DNAH14: variants seen among roughly 807,000 people sequenced by gnomAD.
DNAH14 encodes axonemal beta dynein heavy chain 14.
A neutral mutation model predicts 520.9 loss-of-function variants in DNAH14; 478 were observed. The ratio of observed to expected loss-of-function variants is 0.92; its 90% CI spans 0.85 to 0.99. DNAH14 has a LOEUF of 0.99. Ranked by LOEUF, DNAH14 falls within the 50% of genes least tolerant of loss-of-function variation. The probability of loss-of-function intolerance (pLI) is 0.00; values close to 1 mark genes in which losing one functional copy is unlikely to be tolerated. For missense variants in DNAH14, 4,831 were observed against 5,234.5 expected (o/e 0.92, Z 2.38); for synonymous variants, 1,581 against 1,757.2 (o/e 0.90, Z 2.51).
intron 41 of DNAH14, among the ~76,000 whole-genome samples, chr1:225,208,221 T>C (rs4328046): frequency 6.6e-6 from 1 of 151,940 alleles, no homozygotes; most frequent in African/African-American, 2.4e-5. Flanking sequence ...CCTCCCCAGA[T>C]TCACACTTCT....
At chr1:224,988,517 G>A (rs2125739925) in intron 8 of DNAH14, among the ~76,000 whole-genome samples, 1 of 152,316 alleles carries the variant, frequency 6.6e-6, no homozygotes, top group East Asian at 1.9e-4. Flanking sequence ...TATACTGTTG[G>A]TGGGAATGTG....
chr1:225,016,195 A>G (rs75175982), intron 10 of DNAH14, among the ~76,000 whole-genome samples: 8,392 of 152,234 alleles, frequency 0.055, 472 homozygotes, highest in East Asian at 0.24. Context: ...CTTGGTGTCC[A>G]TGTTCAATTG....
chr1:225,333,981 T>A (rs2094856598), intron 66 of DNAH14, among the ~76,000 whole-genome samples: 1 of 152,228 alleles, frequency 6.6e-6, no homozygotes, highest in African/African-American at 2.4e-5. Flanking sequence ...AGAATAATTT[T>A]AGATTGGATC....
In DNAH14 at chr1:225,252,676, A is replaced by G. The variant is rs554454866; in HGVS notation, c.6865+259A>G. On this transcript the variant is annotated intron_variant, in intron 44 of 85. Coordinates refer to ENST00000682510, the MANE Select transcript of DNAH14 (RefSeq NM_001367479.1). ...CACATTGTAAAACTGTAGCACATTG[A>G]AAGTCTTCCTAAGAGCACTATTTAT... Among the ~76,000 whole-genome samples the G allele has an allele frequency of 7.9e-5, 12 of 152,288 alleles. No homozygotes were observed. In the South Asian group the frequency reaches 2.5e-3, roughly 32 times the overall value.
At position 225,398,545 on chromosome 1, in the gene DNAH14, T is replaced by A; in HGVS notation, c.13517T>A (p.Val4506Asp). The A allele has an allele frequency of 6.4e-7, 1 of 1,551,608 alleles. No individual in the cohort carries two copies. The highest frequency in any genetic ancestry group is 2.4e-5 in the East Asian group (1 of 40,916). Reference sequence around the variant, plus strand: ...GGCTCAGCTTCCTCTCACACTGGAGTTTACATTTTTGGTTTATTCATCGAG... The same window carrying A: ...GGCTCAGCTTCCTCTCACACTGGAGATTACATTTTTGGTTTATTCATCGAG... ...FKGSASSHTG[V>D]YIFGLFIEGA... is the part of the protein sequence containing the mutation. Residue 4506 changes from valine to aspartate, a missense_variant, in exon 85 of 86, where the codon GTT becomes GAT. Coordinates refer to ENST00000682510, the MANE Select transcript of DNAH14 (RefSeq NM_001367479.1).
At chr1:224,941,884 C>T (rs2059443517) in intron 1 of DNAH14, among the ~76,000 whole-genome samples, 1 of 152,096 alleles carries the variant, frequency 6.6e-6, no homozygotes, top group Non-Finnish European at 1.5e-5. Context: ...GTTTTGGTAC[C>T]AGTAGCATGC....
chr1:224,930,992 T>C (rs1441780197), intron 1 of DNAH14, among the ~76,000 whole-genome samples: 2 of 152,232 alleles, frequency 1.3e-5, no homozygotes, highest in Non-Finnish European at 2.9e-5. Flanking sequence ...CTTTAGGAGA[T>C]ATTCCAGAAG....
chr1:225,247,120 A>C (rs548348810), intron 43 of DNAH14, among the ~76,000 whole-genome samples: 1 of 152,300 alleles, frequency 6.6e-6, no homozygotes, highest in African/African-American at 2.4e-5. Flanking sequence ...GCAAACTAAC[A>C]CAGGAACAGA....
At chr1:224,933,281 C>A (rs565071025) in intron 1 of DNAH14, among the ~76,000 whole-genome samples, 1 of 151,918 alleles carries the variant, frequency 6.6e-6, no homozygotes, top group African/African-American at 2.4e-5. Context: ...GATTTTGTAT[C>A]CTGCAGCTTT....
chr1:225,083,791 T>A (rs1184135858), intron 20 of DNAH14, among the ~76,000 whole-genome samples: 1 of 152,118 alleles, frequency 6.6e-6, no homozygotes, highest in Non-Finnish European at 1.5e-5. Flanking sequence ...GATAGCTAGG[T>A]GATGTCAGAG....
chr1:225,225,913 C>G (rs2090486518), intron 41 of DNAH14, among the ~76,000 whole-genome samples: 1 of 152,234 alleles, frequency 6.6e-6, no homozygotes, highest in Middle Eastern at 3.4e-3. Context: ...ACCCGCAGTC[C>G]CAGACGATGC....
intron 1 of DNAH14, among the ~76,000 whole-genome samples, chr1:224,943,904 T>C (rs1438229073): frequency 1.3e-5 from 2 of 152,182 alleles, no homozygotes; most frequent in African/African-American, 2.4e-5. Context: ...TGAGGAGAGC[T>C]TTACTTCCAA....
chr1:225,385,760 C>T (rs2095834357), intron 81 of DNAH14, among the ~76,000 whole-genome samples: 1 of 152,206 alleles, frequency 6.6e-6, no homozygotes, highest in East Asian at 1.9e-4. Flanking sequence ...ACATTCCATG[C>T]TCATGGATAC....
intron 30 of DNAH14, among the ~76,000 whole-genome samples, chr1:225,146,447 T>G (rs1225753894): frequency 1.3e-5 from 2 of 152,242 alleles, no homozygotes; most frequent in Non-Finnish European, 2.9e-5. Flanking sequence ...TTGTTTGTTT[T>G]GTTGCTTTGT....
At chr1:224,995,646 T>C (rs2063346185) in intron 8 of DNAH14, among the ~76,000 whole-genome samples, 1 of 152,096 alleles carries the variant, frequency 6.6e-6, no homozygotes, top group African/African-American at 2.4e-5. Flanking sequence ...TGTCTTCTCA[T>C]TTTTCTACTT....
chr1:225,083,521 A>G (rs2073385069), intron 20 of DNAH14, among the ~76,000 whole-genome samples: 1 of 152,116 alleles, frequency 6.6e-6, no homozygotes, highest in African/African-American at 2.4e-5. Flanking sequence ...ATCTCTACTT[A>G]TATGTCTAAG....
chr1:224,960,381 G>A (rs1312493539), intron 4 of DNAH14, 79 bp downstream of exon 4: 5 of 1,352,312 alleles, frequency 3.7e-6, no homozygotes, highest in Non-Finnish European at 4.8e-6. Flanking sequence ...TGCTTATATT[G>A]GACACTGACT....
chr1:224,936,598 G>A lies in DNAH14; in HGVS notation c.-34+6763G>A, dbSNP rs115588912. ...ATAAAAAGTCTTCCATCAGAGAAAA[G>A]CCTGGGACCTGATGCCTTCACTGCT... On this transcript the variant is annotated intron_variant, in intron 1 of 85. Transcript: ENST00000682510. Among the ~76,000 whole-genome samples the A allele has an allele frequency of 4.6e-3, 705 of 151,880 alleles. 4 individuals are homozygous for A. Among genetic ancestry groups the A allele is most frequent in the African/African-American group, 0.016 (664 of 41,504 alleles).
At chr1:225,008,931 A>C (rs2064442043) in intron 10 of DNAH14, among the ~76,000 whole-genome samples, 1 of 151,930 alleles carries the variant, frequency 6.6e-6, no homozygotes, top group African/African-American at 2.4e-5. Flanking sequence ...GTGTTTGTTC[A>C]TATCCTTTGC....
Sources: gnomAD v4.1 joint callset for allele counts (sites outside exome capture counted in the v4.1 genomes callset) on GRCh38, gnomAD v4.1.1 for gene constraint, MANE v1.5 for transcripts, NCBI Gene and HGNC (gene_info 2026-07-23, HGNC 2026-07-21) for gene names.